Variants in AMMECR1 observed in about 807,000 individuals in gnomAD.
AMMECR1 encodes the protein nuclear protein AMMECR1.
A neutral mutation model predicts 22.5 loss-of-function variants in AMMECR1; 3 were observed. The ratio of observed to expected loss-of-function variants is 0.13; its 90% CI spans 0.06 to 0.35. AMMECR1 has a LOEUF of 0.35. Among genes scored for constraint, AMMECR1 ranks in the 10% least tolerant of loss-of-function variants. The pLI is 1.00. For missense variants in AMMECR1, 235 were observed against 278.7 expected, an observed-to-expected ratio of 0.84 and a Z score of 1.12; for synonymous variants, 130 against 116.7, an observed-to-expected ratio of 1.11 and a Z score of -0.74.
At chrX:110,209,753 T>A (rs781286125) in intron 3 of AMMECR1, among the ~76,000 whole-genome samples, 38 of 110,690 alleles carry the variant, frequency 3.4e-4, no homozygotes, top group Admixed American at 5.8e-4. Flanking sequence ...GTCCAACTTC[T>A]TCAGGTTCCT....
chrX:110,293,951 TCTCTTA>T (rs1385235562), intron 1 of AMMECR1, among the ~76,000 whole-genome samples: 3 of 111,514 alleles, frequency 2.7e-5, no homozygotes, highest in African/African-American at 9.8e-5. Context: ...ATAACTTAGC[TCTCTTA>T]CTAGAGTATA....
intron 2 of AMMECR1, among the ~76,000 whole-genome samples, chrX:110,348,246 C>T (rs1205719745): frequency 1.8e-5 from 2 of 111,948 alleles, no homozygotes; most frequent in Non-Finnish European, 3.8e-5. Flanking sequence ...GTTGAACTTA[C>T]TGATTTCGAC....
At chrX:110,286,694 G>C (rs763377297) in intron 1 of AMMECR1, among the ~76,000 whole-genome samples, 19 of 108,124 alleles carry the variant, frequency 1.8e-4, no homozygotes, top group African/African-American at 6.1e-4. Context: ...AAAAATTAGA[G>C]CATGTATGCA....
intron 1 of AMMECR1, among the ~76,000 whole-genome samples, chrX:110,283,900 T>A (rs2067865555): frequency 9.0e-6 from 1 of 111,210 alleles, no homozygotes; most frequent in South Asian, 3.9e-4. Flanking sequence ...GGAGGGTGGA[T>A]CACTTGAAGT....
At chrX:110,383,768 G>A (rs2068436120) in intron 2 of AMMECR1, among the ~76,000 whole-genome samples, 1 of 111,253 alleles carries the variant, frequency 9.0e-6, no homozygotes, top group Non-Finnish European at 1.9e-5. Flanking sequence ...TTAATTAATC[G>A]TCCTTTGAGC....
At chrX:110,406,214 C>T (rs184661214) in intron 2 of AMMECR1, among the ~76,000 whole-genome samples, 17 of 110,009 alleles carry the variant, frequency 1.5e-4, no homozygotes, top group South Asian at 4.0e-4. Flanking sequence ...CCCATCTACC[C>T]GTCACCTACA....
intron 3 of AMMECR1, among the ~76,000 whole-genome samples, chrX:110,211,210 G>A (rs187950574): frequency 3.6e-5 from 4 of 112,523 alleles, no homozygotes; most frequent in South Asian, 7.4e-4. Flanking sequence ...AGTAAAAGAC[G>A]CTTGATTACA....
At chrX:110,208,561 C>A (rs745505356) in intron 3 of AMMECR1, among the ~76,000 whole-genome samples, 1 of 111,913 alleles carries the variant, frequency 8.9e-6, no homozygotes, top group South Asian at 3.7e-4. Flanking sequence ...CTATCAGGAA[C>A]AAAAGCCTGC....
intron 1 of AMMECR1, among the ~76,000 whole-genome samples, chrX:110,429,217 G>A (rs765205278): frequency 9.0e-6 from 1 of 110,915 alleles, no homozygotes; most frequent in Non-Finnish European, 1.9e-5. Flanking sequence ...TAAGCTTCTT[G>A]AGGGCAAGGA....
At chrX:110,365,262 G>A (rs1175301250) in intron 2 of AMMECR1, among the ~76,000 whole-genome samples, 1 of 111,663 alleles carries the variant, frequency 9.0e-6, no homozygotes, top group African/African-American at 3.3e-5. Flanking sequence ...AGGGTCAGGA[G>A]CCTGCATTTT....
Position 110,214,861 on chromosome X carries a change from C to G in AMMECR1, c.699+1657G>C, listed in dbSNP as rs1003091714. The stretch of plus-strand genomic sequence containing the variant: ...TCACTCCCATCCCCACTACTACATA[C>G]ACAACACCCTGCAATCCAGAAAGCA... On this transcript the variant is annotated intron_variant, in intron 3 of 5. Coordinates refer to ENST00000262844, the MANE Select transcript of AMMECR1 (RefSeq NM_015365.3). Among the ~76,000 whole-genome samples the G allele has an allele frequency of 2.7e-5, 3 of 111,333 alleles. No homozygotes were observed. In the South Asian group the frequency reaches 1.1e-3, roughly 43 times the overall value.
At chrX:110,422,728 G>A (rs940729664) in intron 2 of AMMECR1, among the ~76,000 whole-genome samples, 3 of 112,029 alleles carry the variant, frequency 2.7e-5, no homozygotes, top group African/African-American at 9.7e-5. Context: ...GAACTTATAT[G>A]CTCTTTCCAA....
At chrX:110,249,955 G>A (rs1205576701) in intron 2 of AMMECR1, among the ~76,000 whole-genome samples, 1 of 111,012 alleles carries the variant, frequency 9.0e-6, no homozygotes. Context: ...GAAAGGAAAG[G>A]GGAAATCTAA....
At chrX:110,256,213 G>A (rs181086340) in intron 2 of AMMECR1, among the ~76,000 whole-genome samples, 2 of 111,885 alleles carry the variant, frequency 1.8e-5, no homozygotes, top group East Asian at 5.6e-4. Context: ...GCATAATGTA[G>A]GCAACTGTAA....
chrX:110,297,289 A>G (rs1463947750), intron 1 of AMMECR1, among the ~76,000 whole-genome samples: 4 of 111,918 alleles, frequency 3.6e-5, no homozygotes, highest in African/African-American at 1.3e-4. Flanking sequence ...AGGCAGATAC[A>G]GTATTAAACA....
chrX:110,244,675 G>A (rs945710397), intron 2 of AMMECR1, among the ~76,000 whole-genome samples: 9 of 112,001 alleles, frequency 8.0e-5, no homozygotes, highest in African/African-American at 2.9e-4. Context: ...GATCTTTGTA[G>A]CTGCATAGTA....
intron 1 of AMMECR1, among the ~76,000 whole-genome samples, chrX:110,287,158 G>A (rs2067884654): frequency 8.9e-6 from 1 of 111,756 alleles, no homozygotes; most frequent in Non-Finnish European, 1.9e-5. Flanking sequence ...GTCAAAAGAG[G>A]GGATGAAGGA....
intron 2 of AMMECR1, among the ~76,000 whole-genome samples, chrX:110,365,727 G>A (rs1187209727): frequency 8.9e-6 from 1 of 111,760 alleles, no homozygotes; most frequent in Non-Finnish European, 1.9e-5. Flanking sequence ...ACAAGTTTCT[G>A]AAGAAAACTG....
chrX:110,353,079 T>C (rs78049214), intron 2 of AMMECR1, among the ~76,000 whole-genome samples: 7,007 of 112,026 alleles, frequency 0.063, 542 homozygotes, highest in African/African-American at 0.21. Context: ...TCCACTCGTT[T>C]TAGGTTATCC....
Sources: allele counts gnomAD v4.1 joint callset (sites outside exome capture counted in the v4.1 genomes callset), GRCh38; gene constraint gnomAD v4.1.1; transcripts MANE v1.5; gene names NCBI Gene and HGNC (gene_info 2026-07-23, HGNC 2026-07-21).